Variants in ZFHX4 observed in about 807,000 individuals in gnomAD.
ZFHX4 encodes the protein zinc finger homeobox 4.
A neutral mutation model predicts 267.6 loss-of-function variants in ZFHX4; 56 were observed. The ratio of observed to expected loss-of-function variants is 0.21; its 90% CI spans 0.17 to 0.26. ZFHX4 has a LOEUF of 0.26. Among genes scored for constraint, ZFHX4 ranks in the 10% least tolerant of loss-of-function variants. The probability of loss-of-function intolerance (pLI) is 1.00; values close to 1 mark genes in which losing one functional copy is unlikely to be tolerated. For synonymous variants in ZFHX4, 1,778 were observed against 1,665.6 expected (o/e 1.07, Z -1.64); for missense variants, 4,332 against 4,420.0 (o/e 0.98, Z 0.56).
chr8:76,731,259 C>A (rs1053313527), intron 3 of ZFHX4, among the ~76,000 whole-genome samples: 37 of 152,156 alleles, frequency 2.4e-4, no homozygotes, highest in African/African-American at 8.4e-4. Flanking sequence ...AGACAGTGCT[C>A]ACAAAGAGTT....
chr8:76,700,926 T>A (rs1563467451), intron 1 of ZFHX4, among the ~76,000 whole-genome samples: 1 of 152,178 alleles, frequency 6.6e-6, no homozygotes, highest in Non-Finnish European at 1.5e-5. Flanking sequence ...AGTTAACTTG[T>A]TATGCAGTCA....
chr8:76,854,062 G>A lies in ZFHX4; in HGVS notation c.7141G>A (p.Ala2381Thr), dbSNP rs549692953. 63 of 1,613,930 alleles carry A rather than the reference G, an allele frequency of 3.9e-5. No individual in the cohort carries two copies. The East Asian group carries it at 1.2e-3, about 30-fold the overall frequency. ...AGCTAAAAACGCTGCTGCCCCTGCA[G>A]CAAGTTCTGGCTCTGGGACCAGCAC... Reference protein sequence around the residue: ...DAAKNAAAPAASSGSGTSTPL... With the variant: ...DAAKNAAAPATSSGSGTSTPL... Residue 2381 changes from alanine (A) to threonine (T), a missense_variant, in exon 10 of 11, where the codon GCA becomes ACA. Ala to Thr is a moderately conservative substitution (Grantham distance 58). Around this residue, in one of 7 missense-constraint regions of ZFHX4, gnomAD observed 1,648 missense variants for 1,625.0 expected, o/e 1.01. Coordinates refer to ENST00000651372, the MANE Select transcript of ZFHX4 (RefSeq NM_024721.5).
In ZFHX4 at chr8:76,715,141, A is replaced by C. The variant is rs191345028; in HGVS notation, c.3093+7093A>C. 6.6e-5 allele frequency among the ~76,000 whole-genome samples: 10 copies of C among 152,308 alleles called. No individual in the cohort carries two copies. In the East Asian group the frequency reaches 1.9e-3, roughly 29 times the overall value. On this transcript the variant is annotated intron_variant, in intron 3 of 10. Transcript: ENST00000651372. ...TAGTTAGGACATATATGTAGTTTTCAAACATGAGGATGTTGCTACTAATGC... is the reference window on the plus strand; with the variant it reads ...TAGTTAGGACATATATGTAGTTTTCCAACATGAGGATGTTGCTACTAATGC...
intron 3 of ZFHX4, among the ~76,000 whole-genome samples, chr8:76,774,590 A>G (rs1246957313): frequency 6.6e-6 from 1 of 152,172 alleles, no homozygotes; most frequent in Non-Finnish European, 1.5e-5. Flanking sequence ...GAGATATACA[A>G]AATATCTACC....
rs1263932865 is a variant in ZFHX4 at position 76,851,436 on chromosome 8, T to C, written c.4515T>C (p.Asp1505=). ...HEGKASPVGS[D]SSSIPDDMGS... is the part of the protein sequence containing the mutation. ...GGAAAGCAAGTCCTGTAGGAAGTGATAGTAGCTCTATTCCAGATGACATGG... is the reference window on the plus strand; with the variant it reads ...GGAAAGCAAGTCCTGTAGGAAGTGACAGTAGCTCTATTCCAGATGACATGG... Residue 1505 remains aspartate (D), a synonymous_variant, in exon 10 of 11, where the codon GAT becomes GAC. Transcript: ENST00000651372. 6.2e-7 allele frequency: 1 copy of C among 1,613,816 alleles called. No homozygotes were observed. Among genetic ancestry groups the C allele is most frequent in the East Asian group, 2.2e-5 (1 of 44,822 alleles).
intron 5 of ZFHX4, among the ~76,000 whole-genome samples, chr8:76,835,265 A>ATATGTATATATATGTATATATATATATG (rs1812063274): frequency 2.4e-5 from 2 of 83,558 alleles, no homozygotes; most frequent in South Asian, 6.8e-4. Flanking sequence ...ATATATTCAT[A>ATATGTATATATATGTATATATATATATG]CATATATTTG....
Position 76,853,369 on chromosome 8 carries a change from A to C in ZFHX4, c.6448A>C (p.Ile2150Leu). The C allele has an allele frequency of 6.2e-7, 1 of 1,613,888 alleles. No individual in the cohort carries two copies. The stretch of plus-strand genomic sequence containing the variant: ...AAAAATCCTGAGGGCTTATTTTGAC[A>C]TTAATAATTCTCCAAGTGAAGAACA... Reference protein sequence around the residue: ...QLKILRAYFDINNSPSEEQIQ... With the variant: ...QLKILRAYFDLNNSPSEEQIQ... Residue 2150 changes from isoleucine to leucine, a missense_variant, in exon 10 of 11, where the codon ATT (isoleucine) becomes CTT (leucine). By Grantham distance (5) the Ile-to-Leu change is conservative. Around this residue, in one of 7 missense-constraint regions of ZFHX4, gnomAD observed 48 missense variants for 95.4 expected, o/e 0.50. Coordinates refer to ENST00000651372, the MANE Select transcript of ZFHX4 (RefSeq NM_024721.5).
intron 1 of ZFHX4, among the ~76,000 whole-genome samples, chr8:76,687,208 A>G (rs1563459714): frequency 6.6e-6 from 1 of 152,210 alleles, no homozygotes. Context: ...TACCGTGGTG[A>G]AATTTCATTA....
chr8:76,706,290 T>C lies in ZFHX4; in HGVS notation c.2202T>C (p.Asn734=). 6.2e-7 allele frequency: 1 copy of C among 1,614,120 alleles called. No individual in the cohort carries two copies. The highest frequency in any genetic ancestry group is 8.5e-7 in the Non-Finnish European group (1 of 1,180,012). ...ATGTTCAGAATCTCCAAAATGGCAA[T>C]GGTGAGCAGGTGTTTGGCCACTCTG... The part of the protein sequence containing the change: ...LNNVQNLQNG[N]GEQVFGHSAP... The change falls in exon 2 of 11, where the codon AAT becomes AAC. Residue 734 remains asparagine, a synonymous_variant. Transcript: ENST00000651372.
In ZFHX4 at chr8:76,852,935, C is replaced by G. The variant is rs756570538; in HGVS notation, c.6014C>G (p.Pro2005Arg). 6.3e-7 allele frequency: 1 copy of G among 1,589,578 alleles called. No individual in the cohort carries two copies. Among genetic ancestry groups the G allele is most frequent in the South Asian group, 1.1e-5 (1 of 88,204 alleles). The change falls in exon 10 of 11, where the codon CCG (proline) becomes CGG (arginine). Residue 2005 changes from proline (P) to arginine (R), a missense_variant. By Grantham distance (103) the Pro-to-Arg change is moderately radical. Transcript: ENST00000651372. ...CCATCTTCTCCAGAAACGCCGCCCC[C>G]GCCACCTCCTCCTCCTCCCTTGCCT... ...ISPSSPETPP[P>R]PPPPPPLPPA...
rs1480256519 is a variant in ZFHX4 at position 76,852,696 on chromosome 8, C to T, written c.5775C>T (p.Asn1925=). 6.8e-6 allele frequency: 11 copies of T among 1,613,770 alleles called. No individual in the cohort carries two copies. Among genetic ancestry groups the T allele is most frequent in the African/African-American group, 1.3e-5 (1 of 74,970 alleles). Residue 1925 remains asparagine, a synonymous_variant, in exon 10 of 11, where the codon AAC becomes AAT. Transcript: ENST00000651372. Reference sequence around the variant, plus strand: ...GTTTTGAACTGGTCATTCAGTATAACGAAAACAGGCAGAAGGTACAGAAGA... The same window carrying T: ...GTTTTGAACTGGTCATTCAGTATAATGAAAACAGGCAGAAGGTACAGAAGA... The part of the protein sequence containing the change: ...NFGFELVIQY[N]ENRQKVQKKG...
At chr8:76,688,226 G>A (rs1418070196) in intron 1 of ZFHX4, among the ~76,000 whole-genome samples, 2 of 152,056 alleles carry the variant, frequency 1.3e-5, no homozygotes, top group African/African-American at 4.8e-5. Context: ...AGTATGGTGT[G>A]GATATTTAAT....
intron 1 of ZFHX4, among the ~76,000 whole-genome samples, 157 bp downstream of exon 1, chr8:76,681,777 T>C (rs1311841131): frequency 6.6e-6 from 1 of 152,042 alleles, no homozygotes; most frequent in East Asian, 1.9e-4. Context: ...CGCTCGCTCC[T>C]GCTCGCTGTC....
intron 4 of ZFHX4, among the ~76,000 whole-genome samples, chr8:76,831,584 T>C (rs1036056122): frequency 6.6e-6 from 1 of 152,236 alleles, no homozygotes; most frequent in Non-Finnish European, 1.5e-5. Context: ...ACTGATGTCT[T>C]ACTCTGTCCT....
chr8:76,858,658 A>G (rs1812792633), intron 10 of ZFHX4, among the ~76,000 whole-genome samples: 1 of 152,188 alleles, frequency 6.6e-6, no homozygotes, highest in South Asian at 2.1e-4. Flanking sequence ...CCAGCTCAGT[A>G]GAGCTGTGGT....
chr8:76,824,623 A>G (rs1164964109), intron 4 of ZFHX4, among the ~76,000 whole-genome samples: 1 of 152,118 alleles, frequency 6.6e-6, no homozygotes, highest in Admixed American at 6.5e-5. Flanking sequence ...CTGAGACTAG[A>G]GTGCAGTAGC....
At chr8:76,783,045 A>G (rs543179114) in intron 4 of ZFHX4, among the ~76,000 whole-genome samples, 2 of 151,918 alleles carry the variant, frequency 1.3e-5, no homozygotes, top group Non-Finnish European at 2.9e-5. Context: ...TATTCCTACC[A>G]TTGTTTACCA....
intron 3 of ZFHX4, among the ~76,000 whole-genome samples, chr8:76,740,665 C>A (rs1809291759): frequency 6.6e-6 from 1 of 151,966 alleles, no homozygotes; most frequent in South Asian, 2.1e-4. Flanking sequence ...TGAAAACTGG[C>A]TATATGGGAG....
At chr8:76,828,491 C>G (rs913113841) in intron 4 of ZFHX4, among the ~76,000 whole-genome samples, 74 of 152,260 alleles carry the variant, frequency 4.9e-4, no homozygotes, top group African/African-American at 1.7e-3. Flanking sequence ...TTTGCTGTTG[C>G]AGATTACTTT....
Sources: gnomAD v4.1 joint callset for allele counts (sites outside exome capture counted in the v4.1 genomes callset) on GRCh38, gnomAD v4.1.1 for gene constraint, gnomAD v4.1.1 regional missense constraint, MANE v1.5 for transcripts, NCBI Gene and HGNC (gene_info 2026-07-23, HGNC 2026-07-21) for gene names.